The following BCAT1 variants were observed in gnomAD, a reference collection of about 807,000 sequenced individuals.
The protein encoded by BCAT1 is branched-chain-amino-acid aminotransferase, cytosolic.
BCAT1 carries 48 observed loss-of-function variants against 52.4 expected under a neutral mutation model. That is an observed-to-expected ratio of 0.92 (90% CI 0.73 to 1.16). BCAT1 has a LOEUF of 1.16. BCAT1 is among the 50% of genes most tolerant of loss of function. BCAT1 has a pLI of 0.00. For synonymous variants in BCAT1, 167 were observed against 161.3 expected (o/e 1.04, Z -0.27); for missense variants, 451 against 457.1 (o/e 0.99, Z 0.12).
intron 3 of BCAT1, among the ~76,000 whole-genome samples, chr12:24,892,854 AAAAT>A (rs57901198): frequency 1.3e-5 from 2 of 151,762 alleles, no homozygotes; most frequent in Admixed American, 1.3e-4. Flanking sequence ...ATCTGTCTGA[AAAAT>A]AAATAAATAA....
At chr12:24,849,210 C>G (rs1012172970) in intron 6 of BCAT1, among the ~76,000 whole-genome samples, 4 of 152,276 alleles carry the variant, frequency 2.6e-5, no homozygotes, top group African/African-American at 9.6e-5. Flanking sequence ...TTCAAATGCT[C>G]TTTTATTTCC....
chr12:24,924,934 G>A (rs1039566702), intron 1 of BCAT1, among the ~76,000 whole-genome samples: 1 of 152,124 alleles, frequency 6.6e-6, no homozygotes, highest in Admixed American at 6.5e-5. Flanking sequence ...CATATAGAAA[G>A]GTTAACCATT....
At chr12:24,848,232 T>C (rs1941402331) in intron 6 of BCAT1, among the ~76,000 whole-genome samples, 3 of 152,204 alleles carry the variant, frequency 2.0e-5, no homozygotes, top group Non-Finnish European at 2.9e-5. Flanking sequence ...TAGAGTACTT[T>C]TAGATTCACA....
In BCAT1 at chr12:24,814,808, T is replaced by G. The variant is rs756156858; in HGVS notation, c.*3200A>C. On this transcript the variant is annotated 3_prime_UTR_variant, in exon 11 of 11. Transcript: ENST00000261192. ...CCTGCCTCTGCCTCTGTTTGTTTTT[T>G]TTTTTTTTTTTTGTCTTACATTTTT... The G allele has an allele frequency of 7.3e-5, 11 of 151,132 alleles. 1 individual carries two copies. The highest frequency in any genetic ancestry group is 1.9e-4 in the African/African-American group (8 of 41,222). The allele number at this position is 151,132 out of a possible 1,614,324, so 9.4% of individuals were successfully genotyped here. A position where few individuals can be genotyped will look rare whatever the true frequency, so the allele number is the denominator to read the frequency against.
At chr12:24,929,891 T>G (rs557363005) in intron 1 of BCAT1, among the ~76,000 whole-genome samples, 2 of 152,332 alleles carry the variant, frequency 1.3e-5, no homozygotes, top group African/African-American at 4.8e-5. Flanking sequence ...TTCTCCTATT[T>G]ATCTTTCTAC....
chr12:24,840,299 GTT>G (rs1941135615), intron 7 of BCAT1, among the ~76,000 whole-genome samples: 3 of 152,128 alleles, frequency 2.0e-5, no homozygotes, highest in African/African-American at 7.2e-5. Context: ...TGATGTAACT[GTT>G]TTTGTTTTGA....
intron 8 of BCAT1, among the ~76,000 whole-genome samples, chr12:24,835,190 T>G (rs916717572): frequency 1.3e-5 from 2 of 152,204 alleles, no homozygotes; most frequent in African/African-American, 4.8e-5. Flanking sequence ...TGTTTGAAAA[T>G]TATACCAACG....
rs541787736 is a variant in BCAT1, at chr12:24,920,772, G to A, written c.7-18887C>T. ...TCCTTCCAACCAGTCATAAGTTCAG[G>A]TCTCTGGAACTGCTGACCAACAGGT... On this transcript the variant is annotated intron_variant, in intron 1 of 10. Transcript: ENST00000261192. 1.7e-3 allele frequency among the ~76,000 whole-genome samples: 256 copies of A among 152,286 alleles called. 2 individuals are homozygous for A. Among genetic ancestry groups the A allele is most frequent in the African/African-American group, 5.8e-3 (241 of 41,556 alleles).
At chr12:24,943,775 G>C (rs1426598225) in intron 1 of BCAT1, among the ~76,000 whole-genome samples, 1 of 152,022 alleles carries the variant, frequency 6.6e-6, no homozygotes, top group African/African-American at 2.4e-5. Context: ...ACGAGGTCAG[G>C]AGATCAAGAC....
chr12:24,948,925 A>G lies in BCAT1; in HGVS notation c.6+2T>C, dbSNP rs1203753054. 6.3e-7 allele frequency: 1 copy of G among 1,596,350 alleles called. No homozygotes were observed. The highest frequency in any genetic ancestry group is 8.5e-7 in the Non-Finnish European group (1 of 1,171,054). On this transcript the variant is annotated splice_donor_variant, in intron 1 of 10. Transcript: ENST00000261192. LOFTEE classifies it high-confidence loss of function. ...AACACGGACAAAACCATAAGTAGTT[A>G]CCTTCATTGTTCCGTCGGCCACGAG...
rs1939828289 is a variant in BCAT1, at chr12:24,815,030, T to G, written c.*2978A>C. On this transcript the variant is annotated 3_prime_UTR_variant, in exon 11 of 11. Transcript: ENST00000261192. ...GAGAGCATGGAACACATCTCTGAAG[T>G]CAACTCTTCTTTTGGTGTATCACGA... is the stretch of plus-strand genomic sequence containing the variant. 6.6e-6 allele frequency: 1 copy of G among 152,176 alleles called. No individual in the cohort carries two copies. The highest frequency in any genetic ancestry group is 6.5e-5 in the Admixed American group (1 of 15,272). The allele number at this position is 152,176 out of a possible 1,614,324, so 9.4% of individuals were successfully genotyped here.
intron 3 of BCAT1, among the ~76,000 whole-genome samples, chr12:24,882,335 G>A (rs79043042): frequency 0.023 from 3,532 of 152,052 alleles, 110 homozygotes; most frequent in African/African-American, 0.081. Context: ...AAGTTAAACT[G>A]AACGATAATG....
chr12:24,883,117 C>CTT (rs1267956204), intron 3 of BCAT1, among the ~76,000 whole-genome samples: 2 of 151,750 alleles, frequency 1.3e-5, no homozygotes, highest in Non-Finnish European at 2.9e-5. Context: ...TGAAACCCAT[C>CTT]TCTACCAAAA....
chr12:24,866,498 G>A (rs1591821466), intron 5 of BCAT1, among the ~76,000 whole-genome samples: 2 of 152,244 alleles, frequency 1.3e-5, no homozygotes, highest in African/African-American at 4.8e-5. Flanking sequence ...CACGGCGCGG[G>A]ACTGGCAGGC....
rs79752002 is a variant in BCAT1, at chr12:24,889,132, C to T, written c.279+5143G>A. Reference sequence around the variant, plus strand: ...TCATCTGCTGCTGGATGGTCTTTTCCCTCGAAGATCCCTCTCTCCCTACAG... The same window carrying T: ...TCATCTGCTGCTGGATGGTCTTTTCTCTCGAAGATCCCTCTCTCCCTACAG... On this transcript the variant is annotated intron_variant, in intron 3 of 10. Transcript: ENST00000261192. 3.5e-3 allele frequency among the ~76,000 whole-genome samples: 526 copies of T among 152,244 alleles called. 1 individual carries two copies. Among genetic ancestry groups the T allele is most frequent in the Non-Finnish European group, 4.8e-3 (325 of 68,030 alleles).
intron 7 of BCAT1, among the ~76,000 whole-genome samples, chr12:24,841,485 G>A (rs190325358): frequency 2.4e-4 from 36 of 152,294 alleles, no homozygotes; most frequent in African/African-American, 8.2e-4. Flanking sequence ...AAGGGATAAG[G>A]AAGCAAATCT....
intron 1 of BCAT1, among the ~76,000 whole-genome samples, chr12:24,913,105 A>G (rs545922246): frequency 1.3e-5 from 2 of 152,300 alleles, no homozygotes; most frequent in East Asian, 3.9e-4. Flanking sequence ...TTTAAATGCC[A>G]TTGGTTCATG....
At chr12:24,893,751 T>C (rs1392589808) in intron 3 of BCAT1, among the ~76,000 whole-genome samples, 1 of 152,206 alleles carries the variant, frequency 6.6e-6, no homozygotes, top group Non-Finnish European at 1.5e-5. Flanking sequence ...TGGTTAATTG[T>C]GCACCCTGAA....
chr12:24,912,699 T>TAAAAA (rs10531528), intron 1 of BCAT1, among the ~76,000 whole-genome samples: 109 of 135,494 alleles, frequency 8.0e-4, no homozygotes, highest in African/African-American at 3.1e-3. Context: ...ACCCCATCTC[T>TAAAAA]AAAAAAAAAA....
Sources: gnomAD v4.1 joint callset for allele counts (sites outside exome capture counted in the v4.1 genomes callset) on GRCh38, gnomAD v4.1.1 for gene constraint, MANE v1.5 for transcripts, NCBI Gene and HGNC (gene_info 2026-07-23, HGNC 2026-07-21) for gene names.